The following MAN2B2 variants were observed in gnomAD, a reference collection of about 807,000 sequenced individuals.
The protein encoded by MAN2B2 is mannosidase alpha class 2B member 2.
A neutral mutation model predicts 117.1 loss-of-function variants in MAN2B2; 106 were observed. The ratio of observed to expected loss-of-function variants is 0.90; its 90% CI spans 0.77 to 1.06. MAN2B2 has a LOEUF of 1.06. Ranked by LOEUF, MAN2B2 falls within the 50% of genes least tolerant of loss-of-function variation. The probability of loss-of-function intolerance (pLI) is 0.00; values close to 1 mark genes in which losing one functional copy is unlikely to be tolerated. For missense variants in MAN2B2, 1,326 were observed against 1,381.4 expected (o/e 0.96, Z 0.64); for synonymous variants, 544 against 595.1 (o/e 0.91, Z 1.25).
intron 1 of MAN2B2, among the ~76,000 whole-genome samples, chr4:6,576,336 C>T (rs1056455295): frequency 6.6e-6 from 1 of 152,196 alleles, no homozygotes; most frequent in Non-Finnish European, 1.5e-5. Context: ...GCTGGGAGGG[C>T]ACCTGTCTCT....
chr4:6,621,128 G>A (rs1489276574), intron 18 of MAN2B2, 60 bp from the exon 19 acceptor site: 2 of 1,243,946 alleles, frequency 1.6e-6, no homozygotes, highest in East Asian at 4.7e-5. Flanking sequence ...CAGGGGGTGA[G>A]AGGGAGGCTG....
At chr4:6,589,284 A>G in intron 5 of MAN2B2, 124 bp downstream of exon 5, 1 of 730,256 alleles carries the variant, frequency 1.4e-6, no homozygotes, top group Non-Finnish European at 2.3e-6. Context: ...TCTGTTGCCC[A>G]GGCCGGAGTG....
intron 8 of MAN2B2, 50 bp from the exon 9 acceptor site, chr4:6,598,148 C>G (rs1198533363): frequency 1.3e-6 from 2 of 1,580,608 alleles, no homozygotes; most frequent in Admixed American, 3.4e-5. Context: ...AGGTGCTTTG[C>G]AGAGTCAGGT....
At position 6,575,205 on chromosome 4, in the gene MAN2B2, G is replaced by A; in HGVS notation, c.-6G>A. ...GGGCCTGGCACCTTCCCGGCCTGCC[G>A]CAGGGATGGGGCAGCTGTGCTGGCT... is the stretch of plus-strand genomic sequence containing the variant. On this transcript the variant is annotated 5_prime_UTR_variant, in exon 1 of 19. Coordinates refer to ENST00000285599, the MANE Select transcript of MAN2B2 (RefSeq NM_015274.3). 2.8e-6 allele frequency: 4 copies of A among 1,438,632 alleles called. 1 individual carries two copies. The South Asian group carries it at 3.7e-5, about 13-fold the overall frequency. The allele number at this position is 1,438,632 out of a possible 1,614,324, so 89.1% of individuals were successfully genotyped here.
chr4:6,587,746 TG>T (rs1560641165), intron 4 of MAN2B2, among the ~76,000 whole-genome samples: 15 of 130,848 alleles, frequency 1.1e-4, no homozygotes, highest in Non-Finnish European at 1.7e-4. Context: ...TCTTTTGGGT[TG>T]TTGTTTTTTT....
At chr4:6,607,087 T>TC (rs1382052848) in intron 11 of MAN2B2, among the ~76,000 whole-genome samples, 1 of 152,154 alleles carries the variant, frequency 6.6e-6, no homozygotes, top group African/African-American at 2.4e-5. Context: ...GAGCAATCAC[T>TC]CCCCCACGGG....
intron 3 of MAN2B2, among the ~76,000 whole-genome samples, chr4:6,584,888 C>T (rs376876273): frequency 2.2e-4 from 33 of 152,212 alleles, no homozygotes; most frequent in African/African-American, 7.9e-4. Context: ...GAAGGTTCTG[C>T]GAGTGAAAAA....
At chr4:6,598,059 TA>T in intron 8 of MAN2B2, 138 bp from the exon 9 acceptor site, 1 of 887,614 alleles carries the variant, frequency 1.1e-6, no homozygotes, top group Non-Finnish European at 1.7e-6. Context: ...CCTCCTTCTG[TA>T]AAATGGCGGG....
At chr4:6,618,838 ACTGGG>A (rs1712022614) in intron 17 of MAN2B2, 1 of 152,230 alleles carries the variant, frequency 6.6e-6, no homozygotes, top group Admixed American at 6.5e-5. Context: ...ATGATGTCTT[ACTGGG>A]CCACCCACCT....
intron 13 of MAN2B2, among the ~76,000 whole-genome samples, 164 bp downstream of exon 13, chr4:6,610,214 T>C (rs1414846558): frequency 6.6e-6 from 1 of 152,104 alleles, no homozygotes; most frequent in African/African-American, 2.4e-5. Flanking sequence ...TGGGGCGCAA[T>C]GGAGCGATCT....
intron 11 of MAN2B2, among the ~76,000 whole-genome samples, chr4:6,606,961 C>T (rs569415222): frequency 4.6e-5 from 7 of 152,214 alleles, no homozygotes; most frequent in Non-Finnish European, 8.8e-5. Context: ...ACACACAATT[C>T]ACCCATTTAA....
At chr4:6,612,588 G>C (rs542736814) in intron 15 of MAN2B2, among the ~76,000 whole-genome samples, 92 of 152,370 alleles carry the variant, frequency 6.0e-4, no homozygotes, top group African/African-American at 2.1e-3. Flanking sequence ...TCCCAGGACG[G>C]CCATTGAGCC....
chr4:6,588,942 G>T, intron 4 of MAN2B2, 103 bp from the exon 5 acceptor site: 1 of 768,694 alleles, frequency 1.3e-6, no homozygotes, highest in Non-Finnish European at 2.2e-6. Context: ...CTGAGGGAGG[G>T]CCAAGGTGAG....
rs115956721 is a variant in MAN2B2 at position 6,612,274 on chromosome 4, G to A, written c.2563+996G>A. Among the ~76,000 whole-genome samples, 1,006 of 152,358 alleles carry A rather than the reference G, an allele frequency of 6.6e-3. 6 individuals carry two copies. The highest frequency in any genetic ancestry group is 0.014 in the Middle Eastern group (4 of 294). On this transcript the variant is annotated intron_variant, in intron 15 of 18. Transcript: ENST00000285599. The stretch of plus-strand genomic sequence containing the variant: ...GGACCCAGGAGAGTTTTCCTGGGCT[G>A]TTGGACAGGGGAGGCATGCTCGTAT...
chr4:6,617,682 G>A, intron 17 of MAN2B2, 190 bp downstream of exon 17: 1 of 1,125,348 alleles, frequency 8.9e-7, no homozygotes, highest in Non-Finnish European at 1.2e-6. Context: ...GTTTTTTAGG[G>A]TTTTTTGTGT....
chr4:6,617,838 G>A lies in MAN2B2; in HGVS notation c.2814+346G>A, dbSNP rs150864573. The A allele has an allele frequency of 5.6e-3, 1,203 of 213,394 alleles. 23 individuals carry two copies. The highest frequency in any genetic ancestry group is 0.027 in the African/African-American group (1,088 of 39,800). 13.2% of individuals were successfully genotyped at this position (213,394 alleles called of 1,614,324 possible). The stretch of plus-strand genomic sequence containing the variant: ...TGGGATCACAGGGGCGCGCCACCAC[G>A]ATGGCTAAGTTTTTTTTTTTTTTTT... On this transcript the variant is annotated intron_variant, in intron 17 of 18. Coordinates refer to ENST00000285599, the MANE Select transcript of MAN2B2 (RefSeq NM_015274.3).
intron 10 of MAN2B2, among the ~76,000 whole-genome samples, chr4:6,602,974 C>G (rs1173637453): frequency 2.6e-5 from 4 of 152,226 alleles, no homozygotes; most frequent in Non-Finnish European, 5.9e-5. Context: ...CCACACCAGG[C>G]CTGTTCACAC....
In MAN2B2 at chr4:6,610,912, G is replaced by C. The variant is rs1419704654; in HGVS notation, c.2292G>C (p.Met764Ile). The C allele has an allele frequency of 4.3e-6, 7 of 1,614,098 alleles. No homozygotes were observed. Among genetic ancestry groups the C allele is most frequent in the Non-Finnish European group, 5.9e-6 (7 of 1,180,028 alleles). The change falls in exon 14 of 19, where the codon ATG becomes ATC. Residue 764 changes from methionine to isoleucine, a missense_variant. By Grantham distance (10) the Met-to-Ile change is conservative. Coordinates refer to ENST00000285599, the MANE Select transcript of MAN2B2 (RefSeq NM_015274.3). ...ACCCCATGGTTCAGTCGGCCTTCAT[G>C]GAGGATGGCAAAAGCAGGCTTGTGT... The part of the protein sequence containing the change: ...NYYPMVQSAF[M>I]EDGKSRLVLL...
At chr4:6,615,220 AT>A (rs1711807682) in intron 16 of MAN2B2, among the ~76,000 whole-genome samples, 1 of 151,976 alleles carries the variant, frequency 6.6e-6, no homozygotes, top group African/African-American at 2.4e-5. Flanking sequence ...GCATAGGAAG[AT>A]CCTGTGTCTA....
Sources: allele counts gnomAD v4.1 joint callset (sites outside exome capture counted in the v4.1 genomes callset), GRCh38; gene constraint gnomAD v4.1.1; transcripts MANE v1.5; gene names NCBI Gene and HGNC (gene_info 2026-07-23, HGNC 2026-07-21).